THSD4: variants seen among roughly 807,000 people sequenced by gnomAD.
THSD4 encodes the protein thrombospondin type-1 domain-containing protein 4.
Under a neutral mutation model 119.0 loss-of-function variants are expected in THSD4, and 69 were observed. That is an observed-to-expected ratio of 0.58 (90% confidence interval 0.48 to 0.71). The LOEUF (loss-of-function observed/expected upper bound fraction) is 0.71, where lower values mean the gene tolerates loss of function less well. Among genes scored for constraint, THSD4 ranks in the 30% least tolerant of loss-of-function variants. The pLI, the probability that THSD4 is intolerant of heterozygous loss-of-function variation, is 0.00. For missense variants in THSD4, 1,393 were observed against 1,391.1 expected, an observed-to-expected ratio of 1.00 and a Z score of -0.02; for synonymous variants, 524 against 540.4, an observed-to-expected ratio of 0.97 and a Z score of 0.42.
intron 14 of THSD4, among the ~76,000 whole-genome samples, chr15:71,749,069 T>A (rs1400416491): frequency 6.6e-6 from 1 of 152,194 alleles, no homozygotes; most frequent in Non-Finnish European, 1.5e-5. Flanking sequence ...GTTACCTGGA[T>A]ATAAGGGAAA....
intron 8 of THSD4, among the ~76,000 whole-genome samples, chr15:71,670,446 T>C (rs940814010): frequency 1.3e-5 from 2 of 151,216 alleles, no homozygotes; most frequent in African/African-American, 4.9e-5. Flanking sequence ...TTCCATGGTG[T>C]ATATGTGCCA....
rs66485449 is a variant in THSD4, at chr15:71,391,026, ATT to A, written c.1016-20644_1016-20643del. Among the ~76,000 whole-genome samples, 525 of 126,470 alleles carry A rather than the reference ATT, an allele frequency of 4.2e-3. 4 individuals are homozygous for A. Among genetic ancestry groups the A allele is most frequent in the African/African-American group, 0.013 (447 of 33,176 alleles). The allele number at this position is 126,470 out of a possible 152,430, so 83.0% of individuals were successfully genotyped here. A position where few individuals can be genotyped will look rare whatever the true frequency, so the allele number is the denominator to read the frequency against. On this transcript the variant is annotated intron_variant, in intron 6 of 17. Coordinates refer to ENST00000261862, the MANE Select transcript of THSD4 (RefSeq NM_024817.3). ...CAGGCATAAGCCACCATGCCGGCTA[ATT>A]TTTTTTTTTTTTTTTTCTGAGACCA...
chr15:71,756,568 C>T (rs192482871), intron 14 of THSD4, among the ~76,000 whole-genome samples: 10 of 152,108 alleles, frequency 6.6e-5, no homozygotes, highest in East Asian at 1.9e-4. Flanking sequence ...GGATCTCTTG[C>T]GCTCAGGAGT....
intron 6 of THSD4, among the ~76,000 whole-genome samples, chr15:71,398,094 C>T (rs1223546139): frequency 6.6e-6 from 1 of 152,140 alleles, no homozygotes; most frequent in East Asian, 1.9e-4. Flanking sequence ...GCAGAGATAG[C>T]AAGATTAGTA....
intron 1 of THSD4, among the ~76,000 whole-genome samples, chr15:71,126,365 T>A (rs1487452196): frequency 6.6e-6 from 1 of 152,128 alleles, no homozygotes; most frequent in Admixed American, 6.5e-5. Context: ...CAATGACGAC[T>A]CCCCTTTCCC....
chr15:71,459,160 CTTTTT>C (rs372209662), intron 7 of THSD4, among the ~76,000 whole-genome samples: 5 of 128,872 alleles, frequency 3.9e-5, no homozygotes, highest in Admixed American at 8.1e-5. Flanking sequence ...TTCTTTTTTT[CTTTTT>C]TTTTTTTTTT....
chr15:71,190,322 C>T (rs1216363424), intron 3 of THSD4, among the ~76,000 whole-genome samples: 3 of 152,198 alleles, frequency 2.0e-5, no homozygotes, highest in Non-Finnish European at 4.4e-5. Flanking sequence ...GAGGGAACCC[C>T]CTGGGGAGTG....
intron 7 of THSD4, among the ~76,000 whole-genome samples, chr15:71,548,562 C>T (rs1445463310): frequency 6.6e-6 from 1 of 152,230 alleles, no homozygotes; most frequent in South Asian, 2.1e-4. Flanking sequence ...AGACATGCAG[C>T]AACGGGTCAC....
intron 6 of THSD4, among the ~76,000 whole-genome samples, chr15:71,408,594 G>A (rs1462640044): frequency 6.6e-6 from 1 of 152,114 alleles, no homozygotes; most frequent in Non-Finnish European, 1.5e-5. Context: ...GCTTATGCCT[G>A]TAATCCTAGC....
intron 8 of THSD4, among the ~76,000 whole-genome samples, chr15:71,670,650 C>T (rs1747790036): frequency 1.3e-5 from 2 of 151,848 alleles, no homozygotes; most frequent in African/African-American, 4.8e-5. Flanking sequence ...CTCCCCCATC[C>T]CCCTGCCACA....
chr15:71,304,203 A>G (rs2044992118), intron 6 of THSD4, among the ~76,000 whole-genome samples: 1 of 152,242 alleles, frequency 6.6e-6, no homozygotes, highest in South Asian at 2.1e-4. Context: ...TCTCCACTGC[A>G]TGAAACATGG....
intron 6 of THSD4, among the ~76,000 whole-genome samples, chr15:71,332,906 T>TTTTTTTTTTTTTTTTG (rs2045443285): frequency 7.0e-6 from 1 of 142,356 alleles, no homozygotes; most frequent in Non-Finnish European, 1.5e-5. Flanking sequence ...TTTTTTTTTT[T>TTTTTTTTTTTTTTTTG]TTAGTTCATC....
chr15:71,289,790 C>A (rs1003460950), intron 6 of THSD4, among the ~76,000 whole-genome samples: 3 of 152,154 alleles, frequency 2.0e-5, no homozygotes, highest in African/African-American at 7.2e-5. Context: ...TCCTTTATGA[C>A]TTGCCAGGAA....
intron 7 of THSD4, among the ~76,000 whole-genome samples, chr15:71,510,043 G>A (rs2048254669): frequency 6.6e-6 from 1 of 152,156 alleles, no homozygotes; most frequent in Non-Finnish European, 1.5e-5. Context: ...ATGCTGGAAC[G>A]AAGAGGAGGT....
chr15:71,497,402 A>G lies in THSD4; in HGVS notation c.1152+85579A>G, dbSNP rs149511068. Among the ~76,000 whole-genome samples, 536 of 152,222 alleles carry G rather than the reference A, an allele frequency of 3.5e-3. 1 individual carries two copies. Among genetic ancestry groups the G allele is most frequent in the Middle Eastern group, 6.8e-3 (2 of 294 alleles). On this transcript the variant is annotated intron_variant, in intron 7 of 17. Transcript: ENST00000261862. ...ATGGTGTGTGCCTGAAGTCCCAGCT[A>G]CTTGGGAAGCTGAGGCAGGAGAATC...
chr15:71,117,948 G>A (rs771689803), intron 1 of THSD4, among the ~76,000 whole-genome samples: 7 of 152,272 alleles, frequency 4.6e-5, no homozygotes, highest in Non-Finnish European at 8.8e-5. Flanking sequence ...ACCCAGGGGA[G>A]AAAGGGAAGT....
At chr15:71,691,382 C>T (rs2052046002) in intron 8 of THSD4, among the ~76,000 whole-genome samples, 1 of 152,222 alleles carries the variant, frequency 6.6e-6, no homozygotes, top group Admixed American at 6.5e-5. Flanking sequence ...TTATCATCAA[C>T]ACATCCTGCT....
intron 7 of THSD4, among the ~76,000 whole-genome samples, chr15:71,541,985 C>T (rs2048766439): frequency 6.6e-6 from 1 of 152,164 alleles, no homozygotes; most frequent in African/African-American, 2.4e-5. Flanking sequence ...TTGTAATTGT[C>T]ATATGAAGGG....
chr15:71,339,935 T>C (rs1051895975), intron 6 of THSD4, among the ~76,000 whole-genome samples: 34 of 152,114 alleles, frequency 2.2e-4, no homozygotes, highest in East Asian at 5.8e-4. Context: ...CGGCTAATTT[T>C]TGTATTTTTA....
Sources: allele counts gnomAD v4.1 joint callset (sites outside exome capture counted in the v4.1 genomes callset), GRCh38; gene constraint gnomAD v4.1.1; transcripts MANE v1.5; gene names NCBI Gene and HGNC (gene_info 2026-07-23, HGNC 2026-07-21).